Variants in FLCN observed in about 807,000 individuals in gnomAD.
The protein encoded by FLCN is BHD skin lesion fibrofolliculoma protein.
Under a neutral mutation model 62.5 loss-of-function variants are expected in FLCN, and 22 were observed. The ratio of observed to expected loss-of-function variants is 0.35; its 90% CI spans 0.25 to 0.50. The LOEUF is 0.50. Among genes scored for constraint, FLCN ranks in the 20% least tolerant of loss-of-function variants. FLCN has a pLI of 0.97. For synonymous variants in FLCN, 319 were observed against 310.0 expected, an observed-to-expected ratio of 1.03 and a Z score of -0.30; for missense variants, 657 against 778.0, an observed-to-expected ratio of 0.84 and a Z score of 1.85.
At chr17:17,221,243 G>A (rs906648347) in intron 8 of FLCN, 6 of 1,536,600 alleles carry the variant, frequency 3.9e-6, no homozygotes, top group East Asian at 2.4e-5. Flanking sequence ...TCACAAAATC[G>A]GGACGAGAAG....
Position 17,224,150 on chromosome 17 carries a change from G to T in FLCN, c.397-7C>A. Reference sequence around the variant, plus strand: ...CTTCACGGCCAGGGCAGACCTGGAGGGACACCGGCGACTCAGACAGCCCTT... The same window carrying T: ...CTTCACGGCCAGGGCAGACCTGGAGTGACACCGGCGACTCAGACAGCCCTT... On this transcript the variant is annotated splice_polypyrimidine_tract_variant and splice_region_variant and intron_variant, in intron 5 of 13. Transcript: ENST00000285071. The T allele has an allele frequency of 6.4e-7, 1 of 1,573,044 alleles. No homozygotes were observed. The highest frequency in any genetic ancestry group is 2.3e-5 in the East Asian group (1 of 43,026).
chr17:17,217,594 G>A (rs1257546077), intron 9 of FLCN: 1 of 331,030 alleles, frequency 3.0e-6, no homozygotes, highest in Non-Finnish European at 5.9e-6. Context: ...CTGCAGCCAG[G>A]AGTGCCTGGA....
At chr17:17,235,576 A>T (rs2047560001) in intron 1 of FLCN, 1 of 152,248 alleles carries the variant, frequency 6.6e-6, no homozygotes, top group Non-Finnish European at 1.5e-5. Context: ...TGCCCTACAG[A>T]GCACTTAGCT....
intron 13 of FLCN, among the ~76,000 whole-genome samples, chr17:17,214,780 C>T (rs187562367): frequency 2.8e-4 from 42 of 152,182 alleles, no homozygotes; most frequent in African/African-American, 9.4e-4. Flanking sequence ...CCCCACCTCC[C>T]CATGCAGGAG....
At position 17,216,918 on chromosome 17, in the gene FLCN, G is replaced by A; in HGVS notation, c.1176+151C>T. 4 of 703,540 alleles carry A rather than the reference G, an allele frequency of 5.7e-6. No individual in the cohort carries two copies. Among genetic ancestry groups the A allele is most frequent in the Non-Finnish European group, 7.7e-6 (3 of 387,220 alleles). 43.6% of individuals were successfully genotyped at this position (703,540 alleles called of 1,614,324 possible). On this transcript the variant is annotated intron_variant, in intron 10 of 13. Coordinates refer to ENST00000285071, the MANE Select transcript of FLCN (RefSeq NM_144997.7). This position sits in a 1 kb window ranked among gnomAD's most constrained non-coding sequence, Gnocchi z 4.0. ...TTTAAACATCATCAGACCAGACCCG[G>A]GTCTCCGTGCCCACTGCGCCCCCAG...
chr17:17,229,660 A>T (rs2047363622), intron 3 of FLCN, among the ~76,000 whole-genome samples: 1 of 152,266 alleles, frequency 6.6e-6, no homozygotes, highest in South Asian at 2.1e-4. Context: ...GGCGCATTTT[A>T]GGTCATGTAT....
At position 17,231,179 on chromosome 17, in the gene FLCN, G is replaced by A. The variant is rs138187263; in HGVS notation, c.-25+615C>T. Among the ~76,000 whole-genome samples, 189 of 152,314 alleles carry A rather than the reference G, an allele frequency of 1.2e-3. 2 individuals carry two copies. The highest frequency in any genetic ancestry group is 4.3e-3 in the African/African-American group (179 of 41,568). On this transcript the variant is annotated intron_variant, in intron 3 of 13. Transcript: ENST00000285071. ...TGCGCAACTGCAGTCCAGCCTGGGCGACAGAGAGACTCCGTCTCAAAATAA... is the reference window on the plus strand; with the variant it reads ...TGCGCAACTGCAGTCCAGCCTGGGCAACAGAGAGACTCCGTCTCAAAATAA...
rs1255176486 is a variant in FLCN, at chr17:17,222,598, G to A, written c.682C>T (p.Pro228Ser). 1 of 1,614,224 alleles carries A rather than the reference G, an allele frequency of 6.2e-7. No individual in the cohort carries two copies. Among genetic ancestry groups the A allele is most frequent in the Non-Finnish European group, 8.5e-7 (1 of 1,180,042 alleles). The change falls in exon 7 of 14, where the codon CCA (proline) becomes TCA (serine). Residue 228 changes from proline (P) to serine (S), a missense_variant. Coordinates refer to ENST00000285071, the MANE Select transcript of FLCN (RefSeq NM_144997.7). ...RAQRMNTAFT[P>S]FLHQRNGNAA... ...TTGCCGTTCCTCTGGTGTAGGAATG[G>A]CGTGAAGGCTGTGTTCATCCTCTGA...
Position 17,216,946 on chromosome 17 carries a change from G to A in FLCN, c.1176+123C>T. 1 of 769,104 alleles carries A rather than the reference G, an allele frequency of 1.3e-6. No individual in the cohort carries two copies. Among genetic ancestry groups the A allele is most frequent in the Middle Eastern group, 3.4e-4 (1 of 2,950 alleles). 47.6% of individuals were successfully genotyped at this position (769,104 alleles called of 1,614,324 possible). A position where few individuals can be genotyped will look rare whatever the true frequency, so the allele number is the denominator to read the frequency against. On this transcript the variant is annotated intron_variant, in intron 10 of 13. Coordinates refer to ENST00000285071, the MANE Select transcript of FLCN (RefSeq NM_144997.7). This position sits in a 1 kb window ranked among gnomAD's most constrained non-coding sequence, Gnocchi z 4.0. ...CTCCGTGCCCACTGCGCCCCCAGTGGAGACCGTGTGGTGCACAGCGGTTCT... is the reference window on the plus strand; with the variant it reads ...CTCCGTGCCCACTGCGCCCCCAGTGAAGACCGTGTGGTGCACAGCGGTTCT...
At chr17:17,235,583 AGCTT>A (rs1430784768) in intron 1 of FLCN, 5 of 152,280 alleles carry the variant, frequency 3.3e-5, no homozygotes, top group Admixed American at 6.5e-5. Flanking sequence ...CAGAGCACTT[AGCTT>A]TGCGGTCACC....
chr17:17,228,025 C>CT lies in FLCN; in HGVS notation c.112dup (p.Ser38LysfsTer6). The CT allele has an allele frequency of 6.2e-7, 1 of 1,614,000 alleles. No individual in the cohort carries two copies. Among genetic ancestry groups the CT allele is most frequent in the Non-Finnish European group, 8.5e-7 (1 of 1,180,056 alleles). ...TTCCGCCTGCTCACCCTGGCCAGGA[C>CT]TGTCCTCATTCCCATCCCCTTGAGG... On this transcript the variant is annotated frameshift_variant, in exon 4 of 14. Coordinates refer to ENST00000285071, the MANE Select transcript of FLCN (RefSeq NM_144997.7). LOFTEE classifies it high-confidence loss of function.
At chr17:17,224,257 C>T (rs2047185948) in intron 5 of FLCN, 114 bp from the exon 6 acceptor site, 5 of 962,646 alleles carry the variant, frequency 5.2e-6, no homozygotes, top group East Asian at 2.6e-5. Context: ...GCGTTAATAA[C>T]GGGGAGAGTG....
At chr17:17,235,678 C>T (rs1429391949) in intron 1 of FLCN, 1 of 152,144 alleles carries the variant, frequency 6.6e-6, no homozygotes, top group Non-Finnish European at 1.5e-5. Flanking sequence ...GAAACAGAGG[C>T]CTCTCAGAAT....
At chr17:17,223,479 C>A (rs78529329) in intron 6 of FLCN, among the ~76,000 whole-genome samples, 9,977 of 152,290 alleles carry the variant, frequency 0.066, 1,039 homozygotes, top group African/African-American at 0.22. Context: ...ATGCACACAC[C>A]ATGAGTAAGA....
intron 1 of FLCN, among the ~76,000 whole-genome samples, chr17:17,236,633 G>A (rs1236232066): frequency 6.6e-6 from 1 of 152,066 alleles, no homozygotes; most frequent in Non-Finnish European, 1.5e-5. Context: ...CGCCAAACTG[G>A]GAGAAGAGGA....
Position 17,213,277 on chromosome 17 carries a change from C to T in FLCN, c.*378G>A. On this transcript the variant is annotated 3_prime_UTR_variant, in exon 14 of 14. Coordinates refer to ENST00000285071, the MANE Select transcript of FLCN (RefSeq NM_144997.7). ...AAAGTAGAAACGCTTGAATGTTAAC[C>T]TCGGGAGCAGACATGTTATTGCGAC... is the stretch of plus-strand genomic sequence containing the variant. The T allele has an allele frequency of 1.4e-5, 6 of 426,930 alleles. No homozygotes were observed. The South Asian group carries it at 1.5e-4, about 11-fold the overall frequency. 26.4% of individuals were successfully genotyped at this position (426,930 alleles called of 1,614,324 possible).
rs1490262067 is a variant in FLCN at position 17,221,522 on chromosome 17, G to T, written c.871+15C>A. The T allele has an allele frequency of 1.2e-6, 2 of 1,613,568 alleles. No homozygotes were observed. Among genetic ancestry groups the T allele is most frequent in the Non-Finnish European group, 1.7e-6 (2 of 1,180,030 alleles). On this transcript the variant is annotated intron_variant, in intron 8 of 13. Transcript: ENST00000285071. ...CATCCGGGCCAAGGCCCCGGCAACA[G>T]CACCCCTGCCTCACCAGCGAGCTTC...
At chr17:17,227,852 G>T in intron 4 of FLCN, 37 bp downstream of exon 4, 1 of 1,613,820 alleles carries the variant, frequency 6.2e-7, no homozygotes, top group Non-Finnish European at 8.5e-7. Flanking sequence ...CACACCTACT[G>T]CAGGGATCAC....
intron 9 of FLCN, chr17:17,217,606 G>A (rs542821821): frequency 2.3e-4 from 74 of 321,834 alleles, no homozygotes; most frequent in Non-Finnish European, 4.0e-4. Context: ...GTGCCTGGAC[G>A]GACGCATCTG....
Sources: allele counts gnomAD v4.1 joint callset (sites outside exome capture counted in the v4.1 genomes callset), GRCh38; gene constraint gnomAD v4.1.1; non-coding constraint Gnocchi (gnomAD v3.1); transcripts MANE v1.5; gene names NCBI Gene and HGNC (gene_info 2026-07-23, HGNC 2026-07-21).